Variants in SH3BGRL observed in about 807,000 individuals in gnomAD.
The protein encoded by SH3BGRL is adapter SH3BGRL.
SH3BGRL carries 7 observed loss-of-function variants against 9.8 expected under a neutral mutation model. The ratio of observed to expected loss-of-function variants is 0.72; its 90% CI spans 0.41 to 1.35. SH3BGRL has a LOEUF of 1.35. SH3BGRL is among the 40% of genes most tolerant of loss of function. The pLI is 0.01. For missense variants in SH3BGRL, 73 were observed against 84.4 expected, an observed-to-expected ratio of 0.86 and a Z score of 0.53; for synonymous variants, 36 against 29.1, an observed-to-expected ratio of 1.24 and a Z score of -0.76.
intron 1 of SH3BGRL, among the ~76,000 whole-genome samples, chrX:81,231,948 A>G (rs1437004664): frequency 1.8e-5 from 2 of 111,472 alleles, no homozygotes; most frequent in Non-Finnish European, 3.8e-5. Flanking sequence ...GCATGTTTTT[A>G]TGTGTTTCTC....
intron 1 of SH3BGRL, 106 bp from the exon 2 acceptor site, chrX:81,276,878 C>G (rs750947622): frequency 4.1e-5 from 27 of 651,146 alleles, no homozygotes; most frequent in Non-Finnish European, 6.2e-5. Context: ...CATATAACTT[C>G]TGTGAAACCA....
chrX:81,280,901 A>G lies in SH3BGRL; in HGVS notation c.312+2490A>G, dbSNP rs186136833. Among the ~76,000 whole-genome samples the G allele has an allele frequency of 7.2e-5, 8 of 111,692 alleles. No homozygotes were observed. The East Asian group carries it at 2.0e-3, about 28-fold the overall frequency. ...AGGGAACAGAGAAAGGCAAAGCCCA[A>G]TGCAAGGAAATCCAAAAAATGATAC... is the stretch of plus-strand genomic sequence containing the variant. On this transcript the variant is annotated intron_variant, in intron 3 of 3. Coordinates refer to ENST00000373212, the MANE Select transcript of SH3BGRL (RefSeq NM_003022.3).
intron 1 of SH3BGRL, among the ~76,000 whole-genome samples, chrX:81,251,800 T>C (rs2075711737): frequency 1.8e-5 from 2 of 112,048 alleles, no homozygotes; most frequent in Non-Finnish European, 3.8e-5. Flanking sequence ...TACAGGATAT[T>C]GGGGGTAGCT....
In SH3BGRL at chrX:81,240,874, C is replaced by T. The variant is rs569482965; in HGVS notation, c.46-36110C>T. On this transcript the variant is annotated intron_variant, in intron 1 of 3. Transcript: ENST00000373212. ...GAGATGCAGCTTGGGCTACACACTC[C>T]GCAGAGCCAGTGGGGGCTGGTAACA... Among the ~76,000 whole-genome samples, 70 of 112,763 alleles carry T rather than the reference C, an allele frequency of 6.2e-4. 1 individual carries two copies. In the South Asian group the frequency reaches 0.019, roughly 30 times the overall value.
chrX:81,291,516 G>A (rs979411786), intron 3 of SH3BGRL, among the ~76,000 whole-genome samples: 2 of 111,586 alleles, frequency 1.8e-5, no homozygotes, highest in African/African-American at 6.5e-5. Flanking sequence ...ATGAGATTTG[G>A]GTGGGGATGC....
chrX:81,221,582 A>G (rs1266471806), intron 1 of SH3BGRL, among the ~76,000 whole-genome samples: 1 of 111,565 alleles, frequency 9.0e-6, no homozygotes, highest in African/African-American at 3.3e-5. Flanking sequence ...CCTACTGCAA[A>G]CATTTGAACT....
intron 1 of SH3BGRL, among the ~76,000 whole-genome samples, chrX:81,213,728 C>T (rs889668781): frequency 7.2e-5 from 8 of 111,868 alleles, no homozygotes; most frequent in African/African-American, 2.6e-4. Flanking sequence ...TATCATCTAC[C>T]TCTTTCACTT....
At chrX:81,263,725 C>A (rs1301364306) in intron 1 of SH3BGRL, among the ~76,000 whole-genome samples, 1 of 110,794 alleles carries the variant, frequency 9.0e-6, no homozygotes, top group Non-Finnish European at 1.9e-5. Context: ...TCGTTTTGCT[C>A]TTTAAAAAGT....
chrX:81,236,222 T>C (rs1446458461), intron 1 of SH3BGRL, among the ~76,000 whole-genome samples: 1 of 111,618 alleles, frequency 9.0e-6, no homozygotes, highest in Non-Finnish European at 1.9e-5. Context: ...GCACACATGC[T>C]AGGTGTGGAA....
intron 3 of SH3BGRL, 32 bp from the exon 4 acceptor site, chrX:81,297,163 A>C: frequency 8.4e-7 from 1 of 1,192,749 alleles, no homozygotes. Flanking sequence ...GTGATGTTTA[A>C]ACTTATCTGT....
intron 1 of SH3BGRL, among the ~76,000 whole-genome samples, chrX:81,263,784 AAAAT>A (rs1213562393): frequency 9.0e-6 from 1 of 111,602 alleles, no homozygotes; most frequent in Non-Finnish European, 1.9e-5. Context: ...TGTAATAAGA[AAAAT>A]AAAAAGAACA....
At chrX:81,294,863 AC>A (rs1416964219) in intron 3 of SH3BGRL, among the ~76,000 whole-genome samples, 4 of 112,281 alleles carry the variant, frequency 3.6e-5, no homozygotes, top group Non-Finnish European at 5.6e-5. Flanking sequence ...CATCACTGTG[AC>A]CTGGATGTGA....
rs750245452 is a variant in SH3BGRL, at chrX:81,243,376, A to G, written c.46-33608A>G. Among the ~76,000 whole-genome samples the G allele has an allele frequency of 2.7e-5, 3 of 112,174 alleles. No individual in the cohort carries two copies. The South Asian group carries it at 1.1e-3, about 42-fold the overall frequency. ...GGCCATAGAAAGTAGAAATATGGTTACCAGAGATTGGAAAGGGTAGCGAGG... is the reference window on the plus strand; with the variant it reads ...GGCCATAGAAAGTAGAAATATGGTTGCCAGAGATTGGAAAGGGTAGCGAGG... On this transcript the variant is annotated intron_variant, in intron 1 of 3. Transcript: ENST00000373212.
intron 2 of SH3BGRL, 112 bp from the exon 3 acceptor site, chrX:81,278,206 GCCCACCTCGGCCT>G (rs1375542807): frequency 2.3e-6 from 1 of 441,581 alleles, no homozygotes; most frequent in Admixed American, 4.8e-5. Flanking sequence ...TAGGTGATCC[GCCCACCTCGGCCT>G]CCCAAAGTGT....
chrX:81,296,408 T>A (rs1335989376), intron 3 of SH3BGRL, among the ~76,000 whole-genome samples: 2 of 111,934 alleles, frequency 1.8e-5, no homozygotes, highest in Non-Finnish European at 3.8e-5. Flanking sequence ...TTTAATATTT[T>A]CTTCTTTCCT....
chrX:81,220,590 G>C (rs1173733183), intron 1 of SH3BGRL, among the ~76,000 whole-genome samples: 1 of 104,954 alleles, frequency 9.5e-6, no homozygotes, highest in Non-Finnish European at 2.0e-5. Context: ...ATCTTTTTTA[G>C]TGTTTTTTTT....
intron 1 of SH3BGRL, among the ~76,000 whole-genome samples, chrX:81,263,973 C>T (rs184894892): frequency 1.8e-5 from 2 of 109,174 alleles, no homozygotes; most frequent in Admixed American, 9.8e-5. Flanking sequence ...CCAGAGGCCT[C>T]GTGGTGTTCT....
At chrX:81,215,816 T>C (rs934757139) in intron 1 of SH3BGRL, among the ~76,000 whole-genome samples, 1 of 111,830 alleles carries the variant, frequency 8.9e-6, no homozygotes, top group Admixed American at 9.5e-5. Flanking sequence ...GACAGAAGTG[T>C]GGAAAGTAGA....
chrX:81,233,294 A>G (rs182255304), intron 1 of SH3BGRL, among the ~76,000 whole-genome samples: 2 of 112,179 alleles, frequency 1.8e-5, no homozygotes, highest in African/African-American at 6.5e-5. Flanking sequence ...CAGTCTATAG[A>G]TAGTGCTTTG....
Sources: gnomAD v4.1 joint callset for allele counts (sites outside exome capture counted in the v4.1 genomes callset) on GRCh38, gnomAD v4.1.1 for gene constraint, MANE v1.5 for transcripts, NCBI Gene and HGNC (gene_info 2026-07-23, HGNC 2026-07-21) for gene names.